Variants in GOLM1 observed in about 807,000 individuals in gnomAD.
The protein encoded by GOLM1 is epididymis luminal protein 46.
In GOLM1, 31 loss-of-function variants were observed where a neutral mutation model predicts 50.5. The observed-to-expected ratio is 0.61, with a 90% confidence interval of 0.46 to 0.83. GOLM1 has a LOEUF of 0.83. GOLM1 is among the 40% of genes least tolerant of loss of function. The probability of loss-of-function intolerance (pLI) is 0.00; values close to 1 mark genes in which losing one functional copy is unlikely to be tolerated. For synonymous variants in GOLM1, 178 were observed against 192.8 expected (o/e 0.92, Z 0.64); for missense variants, 491 against 501.3 (o/e 0.98, Z 0.20).
rs1832805711 is a variant in GOLM1 at position 86,026,971 on chromosome 9, G to C, written c.*846C>G. On this transcript the variant is annotated 3_prime_UTR_variant, in exon 10 of 10. Coordinates refer to ENST00000388712, the MANE Select transcript of GOLM1 (RefSeq NM_016548.4). Reference sequence around the variant, plus strand: ...GCACAGATCTGTCCACAACAAACTTGCCCTCTCATGCCTTGCCTCTCACCA... The same window carrying C: ...GCACAGATCTGTCCACAACAAACTTCCCCTCTCATGCCTTGCCTCTCACCA... The C allele has an allele frequency of 1.0e-6, 1 of 985,102 alleles. No individual in the cohort carries two copies. The highest frequency in any genetic ancestry group is 6.2e-5 in the Admixed American group (1 of 16,244). 61.0% of individuals were successfully genotyped at this position (985,102 alleles called of 1,614,324 possible).
chr9:86,082,579 T>G (rs952464528), intron 1 of GOLM1, among the ~76,000 whole-genome samples: 5 of 152,078 alleles, frequency 3.3e-5, no homozygotes, highest in African/African-American at 1.2e-4. Flanking sequence ...TAGCTGGGAC[T>G]ACAGGTGTGT....
chr9:86,032,036 G>A (rs1477588393), intron 9 of GOLM1, among the ~76,000 whole-genome samples: 1 of 151,596 alleles, frequency 6.6e-6, no homozygotes, highest in African/African-American at 2.4e-5. Flanking sequence ...CAGGACCTGA[G>A]TCTCATCAAG....
chr9:86,064,779 G>A (rs1834259066), intron 3 of GOLM1, among the ~76,000 whole-genome samples: 1 of 152,236 alleles, frequency 6.6e-6, no homozygotes, highest in African/African-American at 2.4e-5. Flanking sequence ...GTGGGGGACA[G>A]CGCTGCTGAC....
At chr9:86,035,919 C>T (rs1458719592) in intron 7 of GOLM1, among the ~76,000 whole-genome samples, 1 of 143,210 alleles carries the variant, frequency 7.0e-6, no homozygotes, top group African/African-American at 2.7e-5. Context: ...ATTACCTTGA[C>T]AAGGTACAAA....
intron 3 of GOLM1, among the ~76,000 whole-genome samples, chr9:86,069,782 C>T (rs1834396502): frequency 6.6e-6 from 1 of 152,210 alleles, no homozygotes; most frequent in Non-Finnish European, 1.5e-5. Flanking sequence ...TAGGTGGGAC[C>T]TGTCACACCT....
At chr9:86,031,472 T>TC (rs1311002407) in intron 9 of GOLM1, among the ~76,000 whole-genome samples, 5 of 145,684 alleles carry the variant, frequency 3.4e-5, no homozygotes, top group Non-Finnish European at 3.0e-5. Flanking sequence ...TTTTTTTTTT[T>TC]TTCCCCGAGA....
In GOLM1 at chr9:86,026,994, C is replaced by G. The variant is rs1832806427; in HGVS notation, c.*823G>C. 8.1e-6 allele frequency: 8 copies of G among 985,280 alleles called. No homozygotes were observed. Among genetic ancestry groups the G allele is most frequent in the Non-Finnish European group, 9.6e-6 (8 of 829,958 alleles). The allele number at this position is 985,280 out of a possible 1,614,324, so 61.0% of individuals were successfully genotyped here. Reference sequence around the variant, plus strand: ...TTGCCCTCTCATGCCTTGCCTCTCACCATGCTCTGCTCCAGGTCAGCCCCC... The same window carrying G: ...TTGCCCTCTCATGCCTTGCCTCTCAGCATGCTCTGCTCCAGGTCAGCCCCC... On this transcript the variant is annotated 3_prime_UTR_variant, in exon 10 of 10. Transcript: ENST00000388712.
intron 9 of GOLM1, among the ~76,000 whole-genome samples, chr9:86,028,383 A>C (rs1832853209): frequency 6.6e-6 from 1 of 152,228 alleles, no homozygotes; most frequent in African/African-American, 2.4e-5. Context: ...GGCCAAGGAC[A>C]GTAGGAGATC....
At chr9:86,031,471 T>C (rs1012989598) in intron 9 of GOLM1, among the ~76,000 whole-genome samples, 26 of 145,700 alleles carry the variant, frequency 1.8e-4, no homozygotes, top group African/African-American at 6.5e-4. Flanking sequence ...TTTTTTTTTT[T>C]TTTCCCCGAG....
At position 86,036,330 on chromosome 9, in the gene GOLM1, C is replaced by T. The variant is rs748039663; in HGVS notation, c.757+18G>A. ...CTCTGGAGAGCTGGGAACAGGGCAA[C>T]TGCTGGGCTCTGCTTACCTTTCTCA... is the stretch of plus-strand genomic sequence containing the variant. On this transcript the variant is annotated intron_variant, in intron 7 of 9. Transcript: ENST00000388712. The T allele has an allele frequency of 6.2e-7, 1 of 1,613,970 alleles. No homozygotes were observed. The highest frequency in any genetic ancestry group is 2.2e-5 in the East Asian group (1 of 44,886).
chr9:86,099,591 C>A (rs1283681271), upstream of GOLM1: 1 of 147,838 alleles, frequency 6.8e-6, no homozygotes, highest in Non-Finnish European at 1.5e-5. Context: ...CGCCCCCGAG[C>A]AGCGCCGGCG....
At chr9:86,059,899 CAAA>C (rs139699884) in intron 3 of GOLM1, among the ~76,000 whole-genome samples, 64 of 52,432 alleles carry the variant, frequency 1.2e-3, no homozygotes, top group African/African-American at 3.4e-3. Flanking sequence ...GAGTCTATCT[CAAA>C]AAAAAAAAAA....
intron 3 of GOLM1, among the ~76,000 whole-genome samples, chr9:86,060,243 G>C (rs1834115855): frequency 6.6e-6 from 1 of 152,104 alleles, no homozygotes. Context: ...TGCAGCTAGG[G>C]ACAGCAAGTT....
intron 9 of GOLM1, among the ~76,000 whole-genome samples, chr9:86,028,791 G>A (rs1411314176): frequency 6.6e-6 from 1 of 151,358 alleles, no homozygotes; most frequent in Non-Finnish European, 1.5e-5. Context: ...GTGGGGCACT[G>A]AAGAAGAAAG....
intron 1 of GOLM1, among the ~76,000 whole-genome samples, chr9:86,087,313 T>C (rs1178463008): frequency 1.3e-5 from 2 of 152,252 alleles, no homozygotes; most frequent in Admixed American, 1.3e-4. Flanking sequence ...GAGACTTTGC[T>C]GAAGTTGCTT....
At chr9:86,050,699 C>T (rs1587709065) in intron 4 of GOLM1, among the ~76,000 whole-genome samples, 1 of 152,186 alleles carries the variant, frequency 6.6e-6, no homozygotes, top group Admixed American at 6.5e-5. Context: ...TCTGTGGGAT[C>T]GGTGGTGATA....
upstream of GOLM1, chr9:86,099,614 G>C (rs1835472328): frequency 6.7e-6 from 1 of 148,846 alleles, no homozygotes; most frequent in South Asian, 2.1e-4. Flanking sequence ...GCGAAGGGAG[G>C]AGGCGGCGCC....
In GOLM1 at chr9:86,077,504, C is replaced by G. The variant is rs1354135079; in HGVS notation, c.217G>C (p.Glu73Gln). The G allele has an allele frequency of 1.9e-6, 3 of 1,613,490 alleles. No homozygotes were observed. Among genetic ancestry groups the G allele is most frequent in the Non-Finnish European group, 2.5e-6 (3 of 1,179,356 alleles). ...VELKKNEFQG[E>Q]LEKQREQLDK... ...AGCTGCTCCCGCTGCTTCTCCAGCT[C>G]TCCCTGGAACTCGTTCTTCTTCAGC... The change falls in exon 3 of 10, where the codon GAG becomes CAG. Residue 73 changes from glutamate to glutamine, a missense_variant. Coordinates refer to ENST00000388712, the MANE Select transcript of GOLM1 (RefSeq NM_016548.4).
intron 6 of GOLM1, among the ~76,000 whole-genome samples, chr9:86,037,983 C>T (rs574197763): frequency 4.6e-5 from 7 of 151,742 alleles, no homozygotes; most frequent in Admixed American, 2.6e-4. Flanking sequence ...GGAGAAACCC[C>T]GATATACTAA....
Sources: allele counts gnomAD v4.1 joint callset (sites outside exome capture counted in the v4.1 genomes callset), GRCh38; gene constraint gnomAD v4.1.1; transcripts MANE v1.5; gene names NCBI Gene and HGNC (gene_info 2026-07-23, HGNC 2026-07-21).